The following XPA variants were observed in gnomAD, a reference collection of about 807,000 sequenced individuals.
XPA encodes the protein XPA, DNA damage recognition and repair factor.
A neutral mutation model predicts 35.7 loss-of-function variants in XPA; 27 were observed. The observed-to-expected ratio is 0.76, with a 90% CI of 0.56 to 1.04. The LOEUF (loss-of-function observed/expected upper bound fraction) is 1.04. Ranked by LOEUF, XPA falls within the 50% of genes least tolerant of loss-of-function variation. The probability of loss-of-function intolerance (pLI) is 0.00; values close to 1 mark genes in which losing one functional copy is unlikely to be tolerated. For synonymous variants in XPA, 133 were observed against 118.4 expected (o/e 1.12, Z -0.80); for missense variants, 354 against 342.7 (o/e 1.03, Z -0.26).
At position 97,693,756 on chromosome 9, in the gene XPA, A is replaced by G; in HGVS notation, c.176T>C (p.Met59Thr). The G allele has an allele frequency of 6.2e-7, 1 of 1,612,600 alleles. No homozygotes were observed. Among genetic ancestry groups the G allele is most frequent in the Non-Finnish European group, 8.5e-7 (1 of 1,179,858 alleles). The change falls in exon 2 of 6, where the codon ATG becomes ACG. Residue 59 changes from methionine (M) to threonine (T), a missense_variant. Physicochemically the swap from Met to Thr is moderately conservative, Grantham distance 81. Transcript: ENST00000375128. ...SATAAAATGG[M>T]ANVKAAPKII... is the part of the protein sequence containing the mutation. ...CTTTGGGGCTGCTTTTACATTAGCCATGCCTACAAAAGTAAGTAAAAGCAG... is the reference window on the plus strand; with the variant it reads ...CTTTGGGGCTGCTTTTACATTAGCCGTGCCTACAAAAGTAAGTAAAAGCAG...
chr9:97,673,490 GT>G (rs1564034090), downstream of XPA: 1 of 152,174 alleles, frequency 6.6e-6, no homozygotes, highest in Non-Finnish European at 1.5e-5. Flanking sequence ...CTCTCTTCAT[GT>G]ATAATGGTTG....
downstream of XPA, chr9:97,671,191 C>T (rs764929932): frequency 2.4e-5 from 39 of 1,604,570 alleles, no homozygotes; most frequent in South Asian, 3.6e-4. Flanking sequence ...CTGTGCCCTG[C>T]AGGCCTAAGG....
the XPA span, among the ~76,000 whole-genome samples, chr9:97,666,368 C>T: frequency 1.3e-5 from 2 of 152,218 alleles, no homozygotes; most frequent in East Asian, 1.9e-4. Flanking sequence ...GGAAATAAGT[C>T]TCAGGTTAGG....
At chr9:97,689,670 T>C (rs772447069) in intron 2 of XPA, 31 bp from the exon 3 acceptor site, 3 of 1,327,640 alleles carry the variant, frequency 2.3e-6, no homozygotes, top group Non-Finnish European at 3.2e-6. Context: ...TCTAGTTTCC[T>C]TTTTTATGAC....
chr9:97,669,997 A>T, downstream of XPA: 1 of 422,690 alleles, frequency 2.4e-6, no homozygotes, highest in Non-Finnish European at 4.3e-6. Context: ...ATCTCAGCTC[A>T]CTGCAACCTC....
At position 97,684,997 on chromosome 9, in the gene XPA, A is replaced by C. The variant is rs755803064; in HGVS notation, c.599T>G (p.Leu200Ter). The stretch of plus-strand genomic sequence containing the variant: ...CTGTCGGACTTCCTTTGCTTCTTCT[A>C]ATGCTTCTTGACTACCCCAAACTTC... ...SLEVWGSQEA[L>*]EEAKEVRQEN... The change falls in exon 5 of 6, where the codon TTA becomes TGA. Residue 200 changes from leucine (L) to a stop codon, truncating the protein, a stop_gained. Transcript: ENST00000375128. LOFTEE classifies it high-confidence loss of function. 1 of 1,613,586 alleles carries C rather than the reference A, an allele frequency of 6.2e-7. No individual in the cohort carries two copies. Among genetic ancestry groups the C allele is most frequent in the Admixed American group, 1.7e-5 (1 of 59,980 alleles).
the XPA span, among the ~76,000 whole-genome samples, chr9:97,664,958 C>G: frequency 3.3e-5 from 5 of 152,188 alleles, no homozygotes; most frequent in Non-Finnish European, 7.3e-5. Flanking sequence ...GCAGAAGATT[C>G]ATTCTGCCCT....
intron 1 of XPA, among the ~76,000 whole-genome samples, chr9:97,695,666 C>T (rs1044963447): frequency 5.9e-5 from 9 of 152,208 alleles, no homozygotes; most frequent in Admixed American, 2.6e-4. Flanking sequence ...CTTAGCACCA[C>T]TCTTCGTATT....
chr9:97,667,523 T>C, the XPA span, among the ~76,000 whole-genome samples: 1 of 152,178 alleles, frequency 6.6e-6, no homozygotes, highest in East Asian at 1.9e-4. Context: ...CACTCAGACC[T>C]GAAATACTGT....
the XPA span, chr9:97,654,910 C>G: frequency 1.9e-6 from 3 of 1,611,976 alleles, no homozygotes; most frequent in South Asian, 2.2e-5. Flanking sequence ...GCTATACATG[C>G]GTTTGGACAC....
downstream of XPA, among the ~76,000 whole-genome samples, chr9:97,674,316 TA>T (rs11300168): frequency 0.12 from 17,950 of 151,836 alleles, 3,013 homozygotes; most frequent in African/African-American, 0.37. Flanking sequence ...TGAAGGTGTT[TA>T]AAAAAAAATC....
chr9:97,670,990 C>G, downstream of XPA: 1 of 686,212 alleles, frequency 1.5e-6, no homozygotes. Context: ...CTCTTTTCAT[C>G]ATTCTGCAGC....
At position 97,687,099 on chromosome 9, in the gene XPA, T is replaced by C. The variant is rs376828011; in HGVS notation, c.552A>G (p.Leu184=). 10 of 1,609,196 alleles carry C rather than the reference T, an allele frequency of 6.2e-6. No individual in the cohort carries two copies. The African/African-American group carries it at 1.3e-4, about 22-fold the overall frequency. Reference sequence around the variant, plus strand: ...ATAAATACAACTTATTAGAGACCTGTAACTTTAAGTAGAGTTTCATATCAC... The same window carrying C: ...ATAAATACAACTTATTAGAGACCTGCAACTTTAAGTAGAGTTTCATATCAC... ...QWGDMKLYLK[L]QIVKRSLEVW... Residue 184 remains leucine, a synonymous_variant, in exon 4 of 6, where the codon TTA becomes TTG. Transcript: ENST00000375128.
At chr9:97,686,273 A>G (rs1359182799) in intron 4 of XPA, among the ~76,000 whole-genome samples, 1 of 152,202 alleles carries the variant, frequency 6.6e-6, no homozygotes, top group Non-Finnish European at 1.5e-5. Flanking sequence ...AGGTAGATAC[A>G]AGAGGCTGCT....
chr9:97,671,052 C>G (rs377744952), downstream of XPA: 3 of 1,420,610 alleles, frequency 2.1e-6, no homozygotes, highest in Non-Finnish European at 3.0e-6. Flanking sequence ...TATGCTTTTT[C>G]CTGACCTAAC....
chr9:97,690,792 G>C (rs989890530), intron 2 of XPA, among the ~76,000 whole-genome samples: 4 of 152,202 alleles, frequency 2.6e-5, no homozygotes, highest in African/African-American at 9.7e-5. Context: ...CAGAGTGCTG[G>C]GATTACAGGC....
intron 5 of XPA, among the ~76,000 whole-genome samples, chr9:97,682,790 AAAG>A (rs1417679333): frequency 6.6e-6 from 1 of 152,194 alleles, no homozygotes; most frequent in African/African-American, 2.4e-5. Flanking sequence ...AATGAGAAAA[AAAG>A]CTAATTATAT....
chr9:97,692,600 A>G (rs1040930573), intron 2 of XPA, among the ~76,000 whole-genome samples: 1 of 152,234 alleles, frequency 6.6e-6, no homozygotes, highest in South Asian at 2.1e-4. Context: ...AAGCTATTAC[A>G]TAGCATTATT....
rs1564043397 is a variant in XPA at position 97,684,917 on chromosome 9, A to G, written c.673+6T>C. ...ATCCTTCACGATATAAAATGTGGCC[A>G]TCTACCTTTTACTTTTTTATCAAAT... is the stretch of plus-strand genomic sequence containing the variant. On this transcript the variant is annotated splice_donor_region_variant and intron_variant, in intron 5 of 5. Coordinates refer to ENST00000375128, the MANE Select transcript of XPA (RefSeq NM_000380.4). The G allele has an allele frequency of 1.2e-6, 2 of 1,607,400 alleles. No homozygotes were observed. Among genetic ancestry groups the G allele is most frequent in the Non-Finnish European group, 1.7e-6 (2 of 1,174,148 alleles).
Sources: gnomAD v4.1 joint callset for allele counts (sites outside exome capture counted in the v4.1 genomes callset) on GRCh38, gnomAD v4.1.1 for gene constraint, MANE v1.5 for transcripts, NCBI Gene and HGNC (gene_info 2026-07-23, HGNC 2026-07-21) for gene names.